Variants in SPATA7 observed in about 807,000 individuals in gnomAD.
SPATA7 encodes spermatogenesis associated 7.
A neutral mutation model predicts 51.8 loss-of-function variants in SPATA7; 43 were observed. The observed-to-expected ratio is 0.83, with a 90% CI of 0.65 to 1.07. The LOEUF (loss-of-function observed/expected upper bound fraction) is 1.07, where lower values mean the gene tolerates loss of function less well. SPATA7 is among the 50% of genes least tolerant of loss of function. SPATA7 has a pLI of 0.00. For synonymous variants in SPATA7, 230 were observed against 252.8 expected (o/e 0.91, Z 0.86); for missense variants, 683 against 701.3 (o/e 0.97, Z 0.30).
intron 4 of SPATA7, among the ~76,000 whole-genome samples, chr14:88,465,276 G>A (rs2077349122): frequency 6.6e-6 from 1 of 152,114 alleles, no homozygotes; most frequent in Non-Finnish European, 1.5e-5. Flanking sequence ...AGACCAGCCT[G>A]GCCAACATGG....
downstream of SPATA7, among the ~76,000 whole-genome samples, chr14:88,442,172 CTGTTTGTTTGTT>C (rs56376187): frequency 1.1e-4 from 17 of 149,458 alleles, no homozygotes; most frequent in African/African-American, 2.5e-4. Context: ...GTCTATATGC[CTGTTTGTTTGTT>C]TGTTTGTTTG....
chr14:88,394,400 A>T (rs1331177130), intron 3 of SPATA7, among the ~76,000 whole-genome samples: 1 of 152,170 alleles, frequency 6.6e-6, no homozygotes, highest in Non-Finnish European at 1.5e-5. Context: ...GTTCATAGAA[A>T]TGGAATCATG....
chr14:88,456,913 G>C (rs56318158), downstream of SPATA7, among the ~76,000 whole-genome samples: 5,777 of 152,230 alleles, frequency 0.038, 358 homozygotes, highest in African/African-American at 0.13. Flanking sequence ...AAGGTGTAAG[G>C]AAGGGATCCA....
In SPATA7 at chr14:88,410,027, G is replaced by C. The variant is rs527464060; in HGVS notation, c.239-6684G>C. Among the ~76,000 whole-genome samples, 6 of 152,238 alleles carry C rather than the reference G, an allele frequency of 3.9e-5. No individual in the cohort carries two copies. In the South Asian group the frequency reaches 1.2e-3, roughly 32 times the overall value. The stretch of plus-strand genomic sequence containing the variant: ...ACTTCCAATTATGTGGTCAATTTTG[G>C]AATAAATGTGATATGCTGCTGAGAA... On this transcript the variant is annotated intron_variant, in intron 4 of 11. Coordinates refer to ENST00000393545, the MANE Select transcript of SPATA7 (RefSeq NM_018418.5).
At chr14:88,433,746 C>T (rs845758) in intron 10 of SPATA7, among the ~76,000 whole-genome samples, 77,428 of 152,010 alleles carry the variant, frequency 0.51, 22,359 homozygotes, top group Middle Eastern at 0.68. Flanking sequence ...TCATTGAGCA[C>T]TGAGCTCTAC....
rs1566790849 is a variant in SPATA7, at chr14:88,438,075, T to C, written c.1453T>C (p.Phe485Leu). 2.5e-6 allele frequency: 4 copies of C among 1,614,154 alleles called. No homozygotes were observed. In the South Asian group the frequency reaches 3.3e-5, roughly 13 times the overall value. ...LSAPKDENEIFPSPTEFFMPI... is the reference protein window; with the variant it reads ...LSAPKDENEILPSPTEFFMPI... ...GGCACCAAAGGATGAGAACGAGATA[T>C]TCCCTTCACCAACTGAATTTTTCAT... Residue 485 changes from phenylalanine (F) to leucine (L), a missense_variant, in exon 12 of 12, where the codon TTC (phenylalanine) becomes CTC (leucine). Physicochemically the swap from Phe to Leu is conservative, Grantham distance 22. Transcript: ENST00000393545.
intron 3 of SPATA7, among the ~76,000 whole-genome samples, chr14:88,450,651 C>T (rs1595313801): frequency 1.3e-5 from 2 of 152,118 alleles, no homozygotes; most frequent in East Asian, 3.9e-4. Context: ...TGTAGGGTTT[C>T]GGCTGAGAAA....
chr14:88,402,475 C>G (rs111608711), intron 4 of SPATA7, among the ~76,000 whole-genome samples: 25 of 152,068 alleles, frequency 1.6e-4, no homozygotes, highest in African/African-American at 6.0e-4. Context: ...GAATGGAGAA[C>G]CCAGAAATAA....
At chr14:88,390,824 G>C (rs1487561035) in intron 1 of SPATA7, among the ~76,000 whole-genome samples, 1 of 152,068 alleles carries the variant, frequency 6.6e-6, no homozygotes, top group African/African-American at 2.4e-5. Context: ...TTCTTTCTTG[G>C]TAGAAGCTAT....
chr14:88,408,782 A>G (rs1370169422), intron 4 of SPATA7, among the ~76,000 whole-genome samples: 1 of 152,176 alleles, frequency 6.6e-6, no homozygotes, highest in Non-Finnish European at 1.5e-5. Context: ...GATACATTCT[A>G]TCAACACCTA....
At chr14:88,462,533 TG>T (rs1240263596) in intron 4 of SPATA7, among the ~76,000 whole-genome samples, 2 of 152,232 alleles carry the variant, frequency 1.3e-5, no homozygotes, top group Non-Finnish European at 2.9e-5. Context: ...TAAATGTCAG[TG>T]GTTTCACATT....
intron 4 of SPATA7, among the ~76,000 whole-genome samples, chr14:88,468,736 T>C (rs557134269): frequency 6.6e-6 from 1 of 152,208 alleles, no homozygotes; most frequent in African/African-American, 2.4e-5. Context: ...GTCTTTAATA[T>C]GCTAATTGGT....
intron 4 of SPATA7, among the ~76,000 whole-genome samples, chr14:88,464,322 C>CT (rs1386483996): frequency 1.3e-5 from 2 of 152,080 alleles, no homozygotes; most frequent in Non-Finnish European, 2.9e-5. Flanking sequence ...AATTTAGATT[C>CT]TTTTTTTAAA....
At chr14:88,386,865 C>T (rs59418855) in intron 1 of SPATA7, among the ~76,000 whole-genome samples, 5,373 of 152,124 alleles carry the variant, frequency 0.035, 312 homozygotes, top group African/African-American at 0.12. Flanking sequence ...AGTGCTACTC[C>T]GAATGTAGGA....
chr14:88,419,436 GT>G (rs959058823), intron 5 of SPATA7, among the ~76,000 whole-genome samples: 80 of 108,122 alleles, frequency 7.4e-4, no homozygotes, highest in African/African-American at 2.2e-3. Flanking sequence ...TGATCTTAAT[GT>G]TTTCTTCTTT....
intron 4 of SPATA7, among the ~76,000 whole-genome samples, chr14:88,408,527 TG>T (rs2076256654): frequency 6.6e-6 from 1 of 152,174 alleles, no homozygotes; most frequent in Admixed American, 6.5e-5. Flanking sequence ...TGGGGGTTTC[TG>T]AATATACAAT....
intron 2 of SPATA7, among the ~76,000 whole-genome samples, chr14:88,391,987 G>A (rs1021096201): frequency 6.6e-6 from 1 of 152,142 alleles, no homozygotes; most frequent in African/African-American, 2.4e-5. Flanking sequence ...ATAAGTCTAT[G>A]TCCTTAGGCA....
chr14:88,440,732 C>G (rs1303182933), downstream of SPATA7, among the ~76,000 whole-genome samples: 1 of 152,036 alleles, frequency 6.6e-6, no homozygotes, highest in Non-Finnish European at 1.5e-5. Flanking sequence ...TTTCTCATAT[C>G]TTGGAGAGGG....
rs557022361 is a variant in SPATA7 at position 88,392,161 on chromosome 14, A to G, written c.94+706A>G. Among the ~76,000 whole-genome samples the G allele has an allele frequency of 1.1e-4, 16 of 152,312 alleles. No homozygotes were observed. In the East Asian group the frequency reaches 2.7e-3, roughly 26 times the overall value. On this transcript the variant is annotated intron_variant, in intron 2 of 11. Transcript: ENST00000393545. The stretch of plus-strand genomic sequence containing the variant: ...GTGGCTATGTATGTATGTAACATAT[A>G]TATGTATGTAACATAGCCATAATGA...
Sources: allele counts gnomAD v4.1 joint callset (sites outside exome capture counted in the v4.1 genomes callset), GRCh38; gene constraint gnomAD v4.1.1; transcripts MANE v1.5; gene names NCBI Gene and HGNC (gene_info 2026-07-23, HGNC 2026-07-21).